The following STAB2 variants were observed in gnomAD, a reference collection of about 807,000 sequenced individuals.
STAB2 encodes the protein stabilin 2, also known as stabilin-2.
STAB2 carries 288 observed loss-of-function variants against 338.1 expected under a neutral mutation model. That is an observed-to-expected ratio of 0.85 (90% CI 0.77 to 0.94). The LOEUF (loss-of-function observed/expected upper bound fraction) is 0.94. STAB2 is among the 40% of genes least tolerant of loss of function. The pLI, the probability that STAB2 is intolerant of heterozygous loss-of-function variation, is 0.00. For missense variants in STAB2, 3,141 were observed against 3,210.1 expected (o/e 0.98, Z 0.52); for synonymous variants, 1,202 against 1,193.3 (o/e 1.01, Z -0.15).
rs1160370747 is a variant in STAB2, at chr12:103,735,547, G to A, written c.5517G>A (p.Glu1839=). The A allele has an allele frequency of 6.2e-7, 1 of 1,611,918 alleles. No individual in the cohort carries two copies. The highest frequency in any genetic ancestry group is 2.2e-5 in the East Asian group (1 of 44,782). ...CCTGGAAGACCCTGCAAGGTTCAGA[G>A]CTGAGTGTGAAATGTGGAGCTGGCA... The part of the protein sequence containing the change: ...STAWKTLQGS[E]LSVKCGAGRD... The change falls in exon 52 of 69, where the codon GAG becomes GAA. Residue 1839 remains glutamate (E), a synonymous_variant. Transcript: ENST00000388887.
chr12:103,699,992 C>T (rs1373937788), intron 34 of STAB2, among the ~76,000 whole-genome samples: 1 of 152,172 alleles, frequency 6.6e-6, no homozygotes, highest in East Asian at 1.9e-4. Flanking sequence ...CCATGACATA[C>T]ACAGGAGCCA....
chr12:103,656,501 C>G (rs1874187534), intron 15 of STAB2, among the ~76,000 whole-genome samples: 1 of 152,138 alleles, frequency 6.6e-6, no homozygotes, highest in Non-Finnish European at 1.5e-5. Flanking sequence ...GGATGAGGCC[C>G]AGAAATAGAC....
At chr12:103,739,560 TGTGTGTGTGTGTGC>T in intron 54 of STAB2, 92 bp downstream of exon 54, 1 of 804,848 alleles carries the variant, frequency 1.2e-6, no homozygotes, top group Non-Finnish European at 1.8e-6. Flanking sequence ...TGTGTGTGTG[TGTGTGTGTGTGTGC>T]CCGTGCACGT....
At chr12:103,620,369 C>T in intron 3 of STAB2, 99 bp from the exon 4 acceptor site, 3 of 1,114,144 alleles carry the variant, frequency 2.7e-6, no homozygotes, top group Non-Finnish European at 3.8e-6. Context: ...TATTTCTTAT[C>T]CCTGGCAACT....
At chr12:103,638,243 C>A (rs760132265) in intron 8 of STAB2, 31 bp downstream of exon 8, 10 of 1,569,322 alleles carry the variant, frequency 6.4e-6, no homozygotes, top group South Asian at 1.2e-5. Context: ...ACTGATGTAT[C>A]TAGAAGTTTG....
At chr12:103,731,776 G>C (rs1033079168) in intron 50 of STAB2, 141 bp downstream of exon 50, 12 of 749,946 alleles carry the variant, frequency 1.6e-5, no homozygotes, top group Non-Finnish European at 2.6e-5. Flanking sequence ...GTTTTCTGGA[G>C]AGCAAAGTCA....
intron 10 of STAB2, among the ~76,000 whole-genome samples, chr12:103,650,103 G>A (rs944505099): frequency 9.2e-5 from 14 of 151,684 alleles, no homozygotes; most frequent in Non-Finnish European, 1.2e-4. Context: ...ACCAATCATC[G>A]GGGCTCTTCT....
chr12:103,725,043 C>A lies in STAB2; in HGVS notation c.4752C>A (p.Cys1584Ter). 1 of 1,613,946 alleles carries A rather than the reference C, an allele frequency of 6.2e-7. No individual in the cohort carries two copies. Among genetic ancestry groups the A allele is most frequent in the East Asian group, 2.2e-5 (1 of 44,882 alleles). Residue 1584 changes from cysteine (C) to a stop codon, truncating the protein, a stop_gained, in exon 45 of 69, where the codon TGC (cysteine) becomes TGA (stop). Transcript: ENST00000388887. LOFTEE classifies it high-confidence loss of function. ...HTGQVERTCT[C>*]KPNYIGDGFT... ...GGCAAGTAGAAAGGACTTGTACTTG[C>A]AAGCCAAACTACATTGGAGATGGAT... is the stretch of plus-strand genomic sequence containing the variant.
At chr12:103,670,838 T>G in intron 22 of STAB2, 31 bp downstream of exon 22, 2 of 1,579,884 alleles carry the variant, frequency 1.3e-6, no homozygotes, top group Non-Finnish European at 8.7e-7. Context: ...TTCCTTCCAC[T>G]CCTAAGCAAG....
intron 38 of STAB2, among the ~76,000 whole-genome samples, chr12:103,707,476 A>C (rs1879466416): frequency 6.6e-6 from 1 of 152,206 alleles, no homozygotes; most frequent in South Asian, 2.1e-4. Flanking sequence ...TGAGAACTGA[A>C]TGTACACCTT....
At chr12:103,760,041 T>A (rs1402970160) in intron 65 of STAB2, among the ~76,000 whole-genome samples, 5 of 152,002 alleles carry the variant, frequency 3.3e-5, no homozygotes, top group African/African-American at 1.2e-4. Flanking sequence ...AGATAAGGAG[T>A]ATTTCAGTAG....
At chr12:103,686,894 CCCA>C (rs1221716560) in intron 27 of STAB2, among the ~76,000 whole-genome samples, 1 of 152,178 alleles carries the variant, frequency 6.6e-6, no homozygotes, top group East Asian at 1.9e-4. Flanking sequence ...CTCTGGCCTT[CCCA>C]CCAGCAGATC....
intron 50 of STAB2, 31 bp from the exon 51 acceptor site, chr12:103,732,975 G>T: frequency 6.2e-7 from 1 of 1,607,344 alleles, no homozygotes; most frequent in Non-Finnish European, 8.5e-7. Flanking sequence ...CCTTGCTCAA[G>T]CCAGCAAGGG....
chr12:103,754,451 G>A (rs574154821), intron 61 of STAB2, among the ~76,000 whole-genome samples: 44 of 152,136 alleles, frequency 2.9e-4, no homozygotes, highest in African/African-American at 9.9e-4. Context: ...GATTTAAAAC[G>A]TTCCCACCTC....
chr12:103,639,205 A>G (rs1374075052), intron 8 of STAB2, among the ~76,000 whole-genome samples: 1 of 152,194 alleles, frequency 6.6e-6, no homozygotes, highest in Non-Finnish European at 1.5e-5. Context: ...GGGTTCCAAG[A>G]CAGATTTTCA....
chr12:103,666,051 T>A (rs1593201071), intron 18 of STAB2, among the ~76,000 whole-genome samples: 1 of 152,190 alleles, frequency 6.6e-6, no homozygotes, highest in Non-Finnish European at 1.5e-5. Flanking sequence ...AAAAGGGGGC[T>A]GCTCTGAGCA....
intron 44 of STAB2, 149 bp downstream of exon 44, chr12:103,717,990 T>C (rs969015102): frequency 4.0e-6 from 3 of 758,724 alleles, no homozygotes; most frequent in Non-Finnish European, 6.5e-6. Flanking sequence ...TCTGGCACAC[T>C]CCATTGTAAT....
In STAB2 at chr12:103,697,368, C is replaced by A. The variant is rs567505289; in HGVS notation, c.3582+1524C>A. Among the ~76,000 whole-genome samples the A allele has an allele frequency of 2.6e-5, 4 of 152,340 alleles. No individual in the cohort carries two copies. In the East Asian group the frequency reaches 5.8e-4, roughly 22 times the overall value. On this transcript the variant is annotated intron_variant, in intron 33 of 68. Coordinates refer to ENST00000388887, the MANE Select transcript of STAB2 (RefSeq NM_017564.10). ...AATCTTCTACCTTGTCTTTTCCCTG[C>A]CCTCTAACCCAACCCATTTCTTTAA...
intron 8 of STAB2, among the ~76,000 whole-genome samples, chr12:103,639,456 A>T (rs1289139977): frequency 1.3e-5 from 2 of 151,736 alleles, no homozygotes; most frequent in East Asian, 3.9e-4. Flanking sequence ...TAATCCCAAC[A>T]CTCCGGGAGG....
Sources: gnomAD v4.1 joint callset for allele counts (sites outside exome capture counted in the v4.1 genomes callset) on GRCh38, gnomAD v4.1.1 for gene constraint, MANE v1.5 for transcripts, NCBI Gene and HGNC (gene_info 2026-07-23, HGNC 2026-07-21) for gene names.